Variants in ASPM observed in about 807,000 individuals in gnomAD.
ASPM encodes abnormal spindle-like microcephaly-associated protein.
In ASPM, 256 loss-of-function variants were observed where a neutral mutation model predicts 366.4. The ratio of observed to expected loss-of-function variants is 0.70; its 90% CI spans 0.63 to 0.77. The LOEUF is 0.77. Among genes scored for constraint, ASPM ranks in the 30% least tolerant of loss-of-function variants. The pLI, the probability that ASPM is intolerant of heterozygous loss-of-function variation, is 0.00. For synonymous variants in ASPM, 1,414 were observed against 1,342.9 expected, an observed-to-expected ratio of 1.05 and a Z score of -1.16; for missense variants, 4,146 against 4,090.4, an observed-to-expected ratio of 1.01 and a Z score of -0.37.
Position 197,146,222 on chromosome 1 carries a change from C to T in ASPM, c.216G>A (p.Glu72=), listed in dbSNP as rs777341980. The T allele has an allele frequency of 6.2e-6, 10 of 1,613,992 alleles. No homozygotes were observed. The highest frequency in any genetic ancestry group is 4.0e-5 in the African/African-American group (3 of 74,904). Residue 72 remains glutamate, a synonymous_variant, in exon 1 of 28, where the codon GAG becomes GAA. Transcript: ENST00000367409. The stretch of plus-strand genomic sequence containing the variant: ...GGGAGATCTTCACTTCTGCCACCTC[C>T]TCGTTAGGGTTGTCTAGGGCCAGAG... ...TLSLALDNPN[E]EVAEVKISHF... is the part of the protein sequence containing the mutation.
chr1:197,085,243 A>AT (rs763041652), intron 27 of ASPM, among the ~76,000 whole-genome samples: 1 of 152,064 alleles, frequency 6.6e-6, no homozygotes, highest in Non-Finnish European at 1.5e-5. Context: ...AGCTGATTTT[A>AT]TTTTTTGCCA....
chr1:197,124,307 G>C lies in ASPM; in HGVS notation c.3193C>G (p.Gln1065Glu). Reference protein sequence around the residue: ...FQVDISLNLDQLKEEIAFLKH... With the variant: ...FQVDISLNLDELKEEIAFLKH... ...AGAAAGGCAATTTCTTCCTTTAATTGATCTAAGTTAAGGGAAATATCCACC... is the reference window on the plus strand; with the variant it reads ...AGAAAGGCAATTTCTTCCTTTAATTCATCTAAGTTAAGGGAAATATCCACC... Residue 1065 changes from glutamine to glutamate, a missense_variant, in exon 13 of 28, where the codon CAA (glutamine) becomes GAA (glutamate). By Grantham distance (29) the Gln-to-Glu change is conservative. Around this residue, in one of 3 missense-constraint regions of ASPM, gnomAD observed 3,624 missense variants for 3,591.7 expected, o/e 1.01. Coordinates refer to ENST00000367409, the MANE Select transcript of ASPM (RefSeq NM_018136.5). 6.3e-7 allele frequency: 1 copy of C among 1,582,584 alleles called. No individual in the cohort carries two copies. The highest frequency in any genetic ancestry group is 8.7e-7 in the Non-Finnish European group (1 of 1,153,744).
chr1:197,124,608 A>C (rs555983053), intron 12 of ASPM, among the ~76,000 whole-genome samples: 1 of 152,056 alleles, frequency 6.6e-6, no homozygotes, highest in South Asian at 2.1e-4. Flanking sequence ...TTTATCAATG[A>C]TGTAAACTGT....
At chr1:197,119,962 G>A (rs552283904) in intron 16 of ASPM, among the ~76,000 whole-genome samples, 1 of 152,106 alleles carries the variant, frequency 6.6e-6, no homozygotes, top group South Asian at 2.1e-4. Context: ...AATAACATAG[G>A]GAGCCTGCTG....
At chr1:197,087,084 CT>C (rs1558321003) in intron 26 of ASPM, 112 bp from the exon 27 acceptor site, 1 of 981,594 alleles carries the variant, frequency 1.0e-6, no homozygotes, top group Non-Finnish European at 1.5e-6. Flanking sequence ...TTTTTTTTTT[CT>C]TTTTTGAGAT....
intron 10 of ASPM, 147 bp downstream of exon 10, chr1:197,128,343 G>GAAAAAA: frequency 1.1e-5 from 6 of 564,224 alleles, no homozygotes; most frequent in Admixed American, 3.4e-5. Context: ...CCACTTCCCT[G>GAAAAAA]AAAAAAAAAA....
chr1:197,142,964 T>C lies in ASPM; in HGVS notation c.1288A>G (p.Arg430Gly), dbSNP rs6428388. ...SQVPQSPEDW[R>G]KSEVSPRIPE... Reference sequence around the variant, plus strand: ...ATACGTGGCGAAACTTCACTTTTTCTCCAATCTTCAGGAGACTGTGGGACT... The same window carrying C: ...ATACGTGGCGAAACTTCACTTTTTCCCCAATCTTCAGGAGACTGTGGGACT... The change falls in exon 3 of 28, where the codon AGA becomes GGA. Residue 430 changes from arginine (R) to glycine (G), a missense_variant. This residue lies in a region of ASPM where 3,624 missense variants were observed against 3,591.7 expected (regional missense o/e 1.01). Transcript: ENST00000367409. 4,192 of 1,613,988 alleles carry C rather than the reference T, an allele frequency of 2.6e-3. 89 individuals are homozygous for C. In the African/African-American group the frequency reaches 0.046, roughly 18 times the overall value.
Position 197,122,528 on chromosome 1 carries a change from G to A in ASPM, c.3458C>T (p.Pro1153Leu). 2 of 1,613,358 alleles carry A rather than the reference G, an allele frequency of 1.2e-6. No individual in the cohort carries two copies. Among genetic ancestry groups the A allele is most frequent in the Non-Finnish European group, 1.7e-6 (2 of 1,179,656 alleles). Residue 1153 changes from proline (P) to leucine (L), a missense_variant, in exon 14 of 28, where the codon CCT becomes CTT. This residue lies in a region of ASPM where 3,624 missense variants were observed against 3,591.7 expected (regional missense o/e 1.01). Coordinates refer to ENST00000367409, the MANE Select transcript of ASPM (RefSeq NM_018136.5). The stretch of plus-strand genomic sequence containing the variant: ...TATAGCGTCAAATGGCACATAGCAA[G>A]GATGGTAATGGTGGATCAGGTAACA... ...VLCYLIHHYH[P>L]CYVPFDAICQ...
At chr1:197,084,449 C>A in intron 27 of ASPM, 23 bp from the exon 28 acceptor site, 1 of 1,267,106 alleles carries the variant, frequency 7.9e-7, no homozygotes, top group Non-Finnish European at 1.1e-6. Flanking sequence ...AAAAAAAAGT[C>A]TGGCATTAAT....
chr1:197,128,443 T>C, intron 10 of ASPM, 47 bp downstream of exon 10: 3 of 1,540,428 alleles, frequency 1.9e-6, no homozygotes, highest in Non-Finnish European at 2.7e-6. Context: ...TTCCAGAAAA[T>C]GTTAGTCTAT....
Position 197,122,508 on chromosome 1 carries a change from C to T in ASPM, c.3478G>A (p.Ala1160Thr), listed in dbSNP as rs1420885139. The T allele has an allele frequency of 7.4e-6, 12 of 1,613,356 alleles. No individual in the cohort carries two copies. Among genetic ancestry groups the T allele is most frequent in the East Asian group, 4.5e-5 (2 of 44,880 alleles). ...HYHPCYVPFD[A>T]ICQRTTQTVE... ...GTTTGAGTAGTACGCTGACATATAG[C>T]GTCAAATGGCACATAGCAAGGATGG... The change falls in exon 14 of 28, where the codon GCT becomes ACT. Residue 1160 changes from alanine to threonine, a missense_variant. Around this residue, in one of 3 missense-constraint regions of ASPM, gnomAD observed 3,624 missense variants for 3,591.7 expected, o/e 1.01. Coordinates refer to ENST00000367409, the MANE Select transcript of ASPM (RefSeq NM_018136.5).
chr1:197,124,417 A>G, intron 12 of ASPM, 86 bp from the exon 13 acceptor site: 2 of 982,204 alleles, frequency 2.0e-6, no homozygotes, highest in Non-Finnish European at 3.1e-6. Flanking sequence ...ACTGTCTTCT[A>G]TTTAGAGAAA....
At chr1:197,134,483 AC>A (rs1336728523) in intron 5 of ASPM, among the ~76,000 whole-genome samples, 2 of 152,204 alleles carry the variant, frequency 1.3e-5, no homozygotes, top group African/African-American at 4.8e-5. Flanking sequence ...CTGTCTGAAC[AC>A]CAGAATAGGA....
chr1:197,100,642 AAAT>A lies in ASPM; in HGVS notation c.8606_8608del (p.Tyr2869del). On this transcript the variant is annotated inframe_deletion, in exon 18 of 28. Transcript: ENST00000367409. ...CTGTTTTCTGGTTTGCCACGTCCTA[AAAT>A]AATGCTGTAAAGTGATAGCAGCTCT... The A allele has an allele frequency of 5.6e-6, 9 of 1,612,148 alleles. No homozygotes were observed. Among genetic ancestry groups the A allele is most frequent in the Non-Finnish European group, 7.6e-6 (9 of 1,178,922 alleles).
intron 16 of ASPM, among the ~76,000 whole-genome samples, chr1:197,118,550 C>T (rs899785129): frequency 2.0e-5 from 3 of 151,934 alleles, no homozygotes; most frequent in Non-Finnish European, 2.9e-5. Flanking sequence ...CAAAGAGGAC[C>T]CAGCTCCCTA....
Position 197,103,632 on chromosome 1 carries a change from C to T in ASPM, c.5619G>A (p.Lys1873=). The change falls in exon 18 of 28, where the codon AAG becomes AAA. Residue 1873 remains lysine (K), a synonymous_variant. Transcript: ENST00000367409. ...GGAGGGAAATCACAGCTGCCTTTGT[C>T]TTCAAAAAATGTGTTCTTGTATCAT... ...TLHDTRTHFL[K]TKAAVISLQS... 1 of 1,612,862 alleles carries T rather than the reference C, an allele frequency of 6.2e-7. No individual in the cohort carries two copies. The highest frequency in any genetic ancestry group is 8.5e-7 in the Non-Finnish European group (1 of 1,179,408).
intron 3 of ASPM, among the ~76,000 whole-genome samples, chr1:197,142,017 T>C (rs1658598985): frequency 2.0e-5 from 3 of 152,208 alleles, no homozygotes; most frequent in African/African-American, 7.2e-5. Context: ...GTGGTTTATT[T>C]GTTCATTTAT....
At chr1:197,106,757 C>CA (rs1468524585) in intron 17 of ASPM, among the ~76,000 whole-genome samples, 5 of 152,014 alleles carry the variant, frequency 3.3e-5, no homozygotes, top group African/African-American at 1.2e-4. Flanking sequence ...TTAATTCTCA[C>CA]AAAAATACAT....
intron 23 of ASPM, 72 bp downstream of exon 23, chr1:197,090,778 T>C: frequency 7.2e-7 from 1 of 1,394,086 alleles, no homozygotes; most frequent in Non-Finnish European, 1.0e-6. Flanking sequence ...ACTATGTTTT[T>C]ATAGTGTTAG....
Sources: gnomAD v4.1 joint callset for allele counts (sites outside exome capture counted in the v4.1 genomes callset) on GRCh38, gnomAD v4.1.1 for gene constraint, gnomAD v4.1.1 regional missense constraint, MANE v1.5 for transcripts, NCBI Gene and HGNC (gene_info 2026-07-23, HGNC 2026-07-21) for gene names.